DENND1A: variants seen among roughly 807,000 people sequenced by gnomAD.
DENND1A encodes the protein DENN domain-containing protein 1A.
DENND1A carries 51 observed loss-of-function variants against 113.7 expected under a neutral mutation model. The observed-to-expected ratio is 0.45, with a 90% CI of 0.36 to 0.57. The LOEUF (loss-of-function observed/expected upper bound fraction) is 0.57. DENND1A is among the 20% of genes least tolerant of loss of function. DENND1A has a pLI of 0.00. For synonymous variants in DENND1A, 565 were observed against 570.8 expected (o/e 0.99, Z 0.14); for missense variants, 1,258 against 1,395.9 (o/e 0.90, Z 1.57).
At chr9:123,539,808 G>A (rs1280661415) in intron 13 of DENND1A, among the ~76,000 whole-genome samples, 1 of 151,494 alleles carries the variant, frequency 6.6e-6, no homozygotes, top group Non-Finnish European at 1.5e-5. Context: ...GCGTGAACCC[G>A]GGAGGCAGAG....
chr9:123,546,286 C>A (rs77529371), intron 13 of DENND1A, among the ~76,000 whole-genome samples: 1 of 152,218 alleles, frequency 6.6e-6, no homozygotes, highest in South Asian at 2.1e-4. Flanking sequence ...AGGTGGCTCA[C>A]GCCTGTAATC....
intron 1 of DENND1A, among the ~76,000 whole-genome samples, chr9:123,922,945 C>T (rs1442928129): frequency 6.6e-6 from 1 of 152,160 alleles, no homozygotes; most frequent in Non-Finnish European, 1.5e-5. Flanking sequence ...AGAATGGGTA[C>T]GGATTCCAAT....
chr9:123,829,073 A>G (rs1839806581), intron 2 of DENND1A, among the ~76,000 whole-genome samples: 1 of 152,224 alleles, frequency 6.6e-6, no homozygotes, highest in African/African-American at 2.4e-5. Flanking sequence ...TTTACAAGAG[A>G]TAGCTCAGTG....
intron 10 of DENND1A, among the ~76,000 whole-genome samples, chr9:123,614,123 T>C (rs536810254): frequency 2.0e-5 from 3 of 152,174 alleles, no homozygotes; most frequent in Non-Finnish European, 4.4e-5. Flanking sequence ...GGTGCGATCA[T>C]CCATATTTTC....
At chr9:123,393,231 G>T (rs956572131) in intron 21 of DENND1A, among the ~76,000 whole-genome samples, 4 of 152,200 alleles carry the variant, frequency 2.6e-5, no homozygotes, top group African/African-American at 4.8e-5. Flanking sequence ...CTGTCCACAT[G>T]CCACATTCAC....
At chr9:123,605,112 T>C (rs2060097976) in intron 11 of DENND1A, among the ~76,000 whole-genome samples, 1 of 152,186 alleles carries the variant, frequency 6.6e-6, no homozygotes, top group Admixed American at 6.5e-5. Flanking sequence ...ACTGCTCTAC[T>C]TCACTGCCCC....
chr9:123,748,917 A>G (rs1194964661), intron 5 of DENND1A, among the ~76,000 whole-genome samples: 1 of 152,216 alleles, frequency 6.6e-6, no homozygotes, highest in Non-Finnish European at 1.5e-5. Flanking sequence ...CCATTCAAAC[A>G]TACCTTGCAT....
intron 6 of DENND1A, among the ~76,000 whole-genome samples, chr9:123,673,377 A>G (rs550332767): frequency 1.3e-5 from 2 of 152,378 alleles, no homozygotes; most frequent in South Asian, 4.1e-4. Flanking sequence ...ATTGTTCCAG[A>G]TATGACTAGA....
At chr9:123,394,084 T>A (rs1188654657) in intron 21 of DENND1A, among the ~76,000 whole-genome samples, 5 of 151,846 alleles carry the variant, frequency 3.3e-5, no homozygotes, top group Non-Finnish European at 7.4e-5. Context: ...CTCCGCCTCA[T>A]GTGTTCAAGC....
intron 4 of DENND1A, among the ~76,000 whole-genome samples, chr9:123,765,457 CA>C: frequency 6.6e-6 from 1 of 152,248 alleles, no homozygotes; most frequent in Non-Finnish European, 1.5e-5. Context: ...GCATTTGAGC[CA>C]CATTTGCATC....
chr9:123,441,880 A>G (rs752387278), intron 18 of DENND1A, among the ~76,000 whole-genome samples: 2 of 152,254 alleles, frequency 1.3e-5, no homozygotes, highest in Non-Finnish European at 2.9e-5. Context: ...GAAACTTGAT[A>G]CTTGGTTGCT....
At chr9:123,462,445 C>A (rs542420391) in intron 13 of DENND1A, among the ~76,000 whole-genome samples, 1 of 152,314 alleles carries the variant, frequency 6.6e-6, no homozygotes, top group African/African-American at 2.4e-5. Context: ...CTTCTCCCTG[C>A]AGCCTCAGTC....
rs1261704912 is a variant in DENND1A, at chr9:123,898,102, C to T, written c.18-19081G>A. Among the ~76,000 whole-genome samples the T allele has an allele frequency of 2.0e-5, 3 of 152,054 alleles. No individual in the cohort carries two copies. In the East Asian group the frequency reaches 5.8e-4, roughly 29 times the overall value. On this transcript the variant is annotated intron_variant, in intron 1 of 23. Coordinates refer to ENST00000394215, the MANE Select transcript of DENND1A (RefSeq NM_001352964.2). Reference sequence around the variant, plus strand: ...CCTAAGTGTAAGCCCTGTGCCCAGCCCAGACTTTGTAATTTTAGCCATTCT... The same window carrying T: ...CCTAAGTGTAAGCCCTGTGCCCAGCTCAGACTTTGTAATTTTAGCCATTCT...
chr9:123,504,530 A>T (rs2052753693), intron 13 of DENND1A, among the ~76,000 whole-genome samples: 1 of 152,212 alleles, frequency 6.6e-6, no homozygotes, highest in South Asian at 2.1e-4. Flanking sequence ...CAGTTAAAAA[A>T]TTTTTCATTT....
At chr9:123,819,491 T>C (rs1212342705) in intron 2 of DENND1A, among the ~76,000 whole-genome samples, 1 of 152,186 alleles carries the variant, frequency 6.6e-6, no homozygotes, top group African/African-American at 2.4e-5. Flanking sequence ...ATATTACCAA[T>C]GATTATATCT....
At chr9:123,445,454 A>T (rs933046005) in intron 18 of DENND1A, among the ~76,000 whole-genome samples, 4 of 152,206 alleles carry the variant, frequency 2.6e-5, no homozygotes, top group South Asian at 2.1e-4. Context: ...GGGTCCTACA[A>T]AGATTCCCCT....
chr9:123,692,220 G>A (rs1045020563), intron 5 of DENND1A, among the ~76,000 whole-genome samples: 4 of 152,174 alleles, frequency 2.6e-5, no homozygotes, highest in Non-Finnish European at 5.9e-5. Flanking sequence ...ACAAACCAGA[G>A]ACTCAAAAAT....
intron 13 of DENND1A, among the ~76,000 whole-genome samples, chr9:123,468,827 G>T (rs2049164110): frequency 6.6e-6 from 1 of 152,250 alleles, no homozygotes; most frequent in South Asian, 2.1e-4. Flanking sequence ...GGAGAAGGCA[G>T]CCAAGGTCTG....
chr9:123,886,311 A>G (rs1849074826), intron 1 of DENND1A, among the ~76,000 whole-genome samples: 1 of 152,218 alleles, frequency 6.6e-6, no homozygotes, highest in Non-Finnish European at 1.5e-5. Context: ...AACTCCTCAT[A>G]AAATGAATCT....
Sources: allele counts gnomAD v4.1 joint callset (sites outside exome capture counted in the v4.1 genomes callset), GRCh38; gene constraint gnomAD v4.1.1; transcripts MANE v1.5; gene names NCBI Gene and HGNC (gene_info 2026-07-23, HGNC 2026-07-21).